Variants in MTUS2 observed in about 807,000 individuals in gnomAD.
MTUS2 encodes microtubule-associated tumor suppressor candidate 2.
In MTUS2, 40 loss-of-function variants were observed where a neutral mutation model predicts 114.1. The observed-to-expected ratio is 0.35, with a 90% CI of 0.27 to 0.46. The LOEUF is 0.46. Ranked by LOEUF, MTUS2 falls within the 20% of genes least tolerant of loss-of-function variation. The pLI is 1.00. For synonymous variants in MTUS2, 688 were observed against 672.0 expected (o/e 1.02, Z -0.37); for missense variants, 1,679 against 1,705.4 (o/e 0.98, Z 0.27).
chr13:29,193,385 C>CA (rs1894528454), intron 5 of MTUS2, among the ~76,000 whole-genome samples: 1 of 152,212 alleles, frequency 6.6e-6, no homozygotes, highest in East Asian at 1.9e-4. Flanking sequence ...AGCTCTTAAG[C>CA]AACTTCAGCA....
chr13:28,992,488 A>C (rs1354659843), intron 2 of MTUS2, among the ~76,000 whole-genome samples: 1 of 152,174 alleles, frequency 6.6e-6, no homozygotes, highest in Non-Finnish European at 1.5e-5. Flanking sequence ...TGACGGCTGC[A>C]CATGGACTAG....
At chr13:29,500,012 G>T (rs548118039) in intron 14 of MTUS2, among the ~76,000 whole-genome samples, 1 of 152,350 alleles carries the variant, frequency 6.6e-6, no homozygotes, top group South Asian at 2.1e-4. Context: ...ACCCTGCCTT[G>T]CAGCCTTGCC....
At chr13:28,935,417 G>A (rs1881851978) in intron 2 of MTUS2, among the ~76,000 whole-genome samples, 1 of 152,004 alleles carries the variant, frequency 6.6e-6, no homozygotes, top group Admixed American at 6.5e-5. Flanking sequence ...TTACACTACT[G>A]TGAGCAGTGT....
In MTUS2 at chr13:29,480,314, G is replaced by A. The variant is rs1238377209; in HGVS notation, c.3349G>A (p.Glu1117Lys). ...CGAGGCGGAAATGGCGCGCCTGCAG[G>A]AGGAGCACGGTGACCAGCTGCTGAG... ...QFEAEMARLQ[E>K]EHGDQLLSIR... is the part of the protein sequence containing the mutation. The change falls in exon 10 of 16, where the codon GAG (glutamate) becomes AAG (lysine). Residue 1117 changes from glutamate (E) to lysine (K), a missense_variant. By Grantham distance (56) the Glu-to-Lys change is moderately conservative. This residue lies in a region of MTUS2 where 822 missense variants were observed against 899.7 expected (regional missense o/e 0.91). Transcript: ENST00000612955. The surrounding 1 kb of genome is among the most constrained non-coding windows in gnomAD (Gnocchi z 4.4). The A allele has an allele frequency of 1.9e-6, 3 of 1,555,570 alleles. No homozygotes were observed. The Admixed American group carries it at 5.8e-5, about 30-fold the overall frequency.
rs2139037059 is a variant in MTUS2, at chr13:29,504,145, G to A, written c.*939G>A. On this transcript the variant is annotated 3_prime_UTR_variant, in exon 16 of 16. Coordinates refer to ENST00000612955, the MANE Select transcript of MTUS2 (RefSeq NM_001033602.4). ...AGTGAGGATGACCTTGCAGATGACTGTGCCCATTCGCGCTCCATCCTCATG... is the reference window on the plus strand; with the variant it reads ...AGTGAGGATGACCTTGCAGATGACTATGCCCATTCGCGCTCCATCCTCATG... 4.3e-6 allele frequency: 1 copy of A among 232,340 alleles called. No homozygotes were observed. The highest frequency in any genetic ancestry group is 1.3e-3 in the Middle Eastern group (1 of 768). The allele number at this position is 232,340 out of a possible 1,614,324, so 14.4% of individuals were successfully genotyped here. A position where few individuals can be genotyped will look rare whatever the true frequency, so the allele number is the denominator to read the frequency against.
intron 8 of MTUS2, among the ~76,000 whole-genome samples, chr13:29,412,633 A>G (rs1177712905): frequency 6.6e-6 from 1 of 152,168 alleles, no homozygotes; most frequent in Non-Finnish European, 1.5e-5. Context: ...TCATACCTGT[A>G]ATTCCCAGAG....
At chr13:29,429,068 G>A (rs1021786608) in intron 8 of MTUS2, among the ~76,000 whole-genome samples, 1 of 152,226 alleles carries the variant, frequency 6.6e-6, no homozygotes, top group Admixed American at 6.5e-5. Flanking sequence ...GGTGTTCACA[G>A]AAACATTTGG....
chr13:29,197,850 A>C (rs2139223634), intron 5 of MTUS2, among the ~76,000 whole-genome samples: 1 of 152,284 alleles, frequency 6.6e-6, no homozygotes, highest in African/African-American at 2.4e-5. Context: ...TGGCTGCATA[A>C]GTGTCTTCTT....
intron 2 of MTUS2, among the ~76,000 whole-genome samples, chr13:28,888,122 G>A (rs1185702962): frequency 6.6e-6 from 1 of 152,074 alleles, no homozygotes; most frequent in East Asian, 1.9e-4. Context: ...ATAAAACACT[G>A]TTCATTCCTC....
chr13:29,329,997 G>A (rs1274641058), intron 7 of MTUS2, among the ~76,000 whole-genome samples: 1 of 152,092 alleles, frequency 6.6e-6, no homozygotes, highest in Non-Finnish European at 1.5e-5. Context: ...GGTATTTCTG[G>A]TTCTAGATCC....
chr13:29,026,707 C>A lies in MTUS2; in HGVS notation c.2009C>A (p.Ala670Asp). Reference sequence around the variant, plus strand: ...CTGGTTCCAGTGGGGCTTCCATATGCCCCGCCCACATGTACCATGCCTCTT... The same window carrying A: ...CTGGTTCCAGTGGGGCTTCCATATGACCCGCCCACATGTACCATGCCTCTT... ...ASLVPVGLPYAPPTCTMPLPH... is the reference protein window; with the variant it reads ...ASLVPVGLPYDPPTCTMPLPH... The change falls in exon 3 of 16, where the codon GCC (alanine) becomes GAC (aspartate). Residue 670 changes from alanine to aspartate, a missense_variant. Coordinates refer to ENST00000612955, the MANE Select transcript of MTUS2 (RefSeq NM_001033602.4). 3 of 1,613,962 alleles carry A rather than the reference C, an allele frequency of 1.9e-6. No individual in the cohort carries two copies. The highest frequency in any genetic ancestry group is 2.5e-6 in the Non-Finnish European group (3 of 1,179,880).
Position 28,841,498 on chromosome 13 carries a change from G to A in MTUS2, c.-243+1648G>A, listed in dbSNP as rs140406609. The stretch of plus-strand genomic sequence containing the variant: ...AGCTGGCAGCTGCCACTGTGGCGCT[G>A]AAGACACATGAGAAGGAAGAGATGA... On this transcript the variant is annotated intron_variant, in intron 2 of 15. Transcript: ENST00000612955. Among the ~76,000 whole-genome samples, 55 of 152,238 alleles carry A rather than the reference G, an allele frequency of 3.6e-4. No homozygotes were observed. The East Asian group carries it at 0.01, about 29-fold the overall frequency.
chr13:28,824,637 C>T (rs560646499), intron 1 of MTUS2, among the ~76,000 whole-genome samples: 5 of 152,022 alleles, frequency 3.3e-5, no homozygotes, highest in Admixed American at 3.3e-4. Context: ...TGGGTAAAAT[C>T]TGTCTTTACT....
chr13:28,847,544 C>T (rs939400187), intron 2 of MTUS2, among the ~76,000 whole-genome samples: 14 of 152,162 alleles, frequency 9.2e-5, no homozygotes, highest in African/African-American at 2.9e-4. Flanking sequence ...TATCAATTTC[C>T]GCTGCATCCT....
rs192252556 is a variant in MTUS2 at position 29,035,994 on chromosome 13, A to G, written c.2446+1869A>G. On this transcript the variant is annotated intron_variant, in intron 4 of 15. Transcript: ENST00000612955. ...CCCCATCTCTACTAAAAATACAAAAATTAGCTGGACTTGGGGGTGTGTGCC... is the reference window on the plus strand; with the variant it reads ...CCCCATCTCTACTAAAAATACAAAAGTTAGCTGGACTTGGGGGTGTGTGCC... Among the ~76,000 whole-genome samples, 637 of 151,962 alleles carry G rather than the reference A, an allele frequency of 4.2e-3. 2 individuals are homozygous for G. The highest frequency in any genetic ancestry group is 7.2e-3 in the Non-Finnish European group (488 of 67,932).
chr13:29,408,936 C>A (rs954525797), intron 8 of MTUS2, among the ~76,000 whole-genome samples: 1 of 152,178 alleles, frequency 6.6e-6, no homozygotes, highest in South Asian at 2.1e-4. Flanking sequence ...ACTCTTCTTT[C>A]TCCAACAATG....
At chr13:29,158,358 C>CCCCTTTTT in intron 5 of MTUS2, among the ~76,000 whole-genome samples, 2 of 32,048 alleles carry the variant, frequency 6.2e-5, no homozygotes, top group Non-Finnish European at 1.0e-4. Flanking sequence ...GTCCACCCCG[C>CCCCTTTTT]TTTTTTTTTT....
intron 4 of MTUS2, among the ~76,000 whole-genome samples, chr13:29,088,627 A>G (rs1262808439): frequency 1.3e-5 from 2 of 152,284 alleles, no homozygotes; most frequent in East Asian, 3.9e-4. Flanking sequence ...TCTTTAATGA[A>G]TCTTGGTGCT....
chr13:29,463,951 A>G (rs972185094), intron 9 of MTUS2, among the ~76,000 whole-genome samples: 2 of 152,204 alleles, frequency 1.3e-5, no homozygotes, highest in East Asian at 3.9e-4. Context: ...CCAAGATCGC[A>G]CCACTGCACT....
Sources: gnomAD v4.1 joint callset for allele counts (sites outside exome capture counted in the v4.1 genomes callset) on GRCh38, gnomAD v4.1.1 for gene constraint, gnomAD v4.1.1 regional missense constraint, Gnocchi (gnomAD v3.1) non-coding constraint, MANE v1.5 for transcripts, NCBI Gene and HGNC (gene_info 2026-07-23, HGNC 2026-07-21) for gene names.